IGF1R: variants seen among roughly 807,000 people sequenced by gnomAD.
IGF1R encodes the protein insulin like growth factor 1 receptor.
Under a neutral mutation model 144.6 loss-of-function variants are expected in IGF1R, and 44 were observed. The ratio of observed to expected loss-of-function variants is 0.30; its 90% CI spans 0.24 to 0.39. The LOEUF is 0.39. Ranked by LOEUF, IGF1R falls within the 10% of genes least tolerant of loss-of-function variation. IGF1R has a pLI of 1.00. For missense variants in IGF1R, 1,355 were observed against 1,833.7 expected, an observed-to-expected ratio of 0.74 and a Z score of 4.77; for synonymous variants, 795 against 722.8, an observed-to-expected ratio of 1.10 and a Z score of -1.60.
intron 3 of IGF1R, among the ~76,000 whole-genome samples, chr15:98,896,404 A>G (rs1428994984): frequency 1.3e-5 from 2 of 152,110 alleles, no homozygotes; most frequent in Non-Finnish European, 1.5e-5. Flanking sequence ...TTTCCTCCAG[A>G]ACCCCCCAAG....
At chr15:98,734,919 C>G (rs769400818) in intron 2 of IGF1R, among the ~76,000 whole-genome samples, 3 of 152,196 alleles carry the variant, frequency 2.0e-5, no homozygotes, top group South Asian at 2.1e-4. Flanking sequence ...TATGTAAACA[C>G]TGGCCCTAAA....
At chr15:98,866,244 C>T (rs371615983) in intron 2 of IGF1R, among the ~76,000 whole-genome samples, 1 of 152,180 alleles carries the variant, frequency 6.6e-6, no homozygotes, top group Non-Finnish European at 1.5e-5. Context: ...TCCCCCGCCG[C>T]CACCACACAG....
At chr15:98,865,497 G>A (rs1415399419) in intron 2 of IGF1R, among the ~76,000 whole-genome samples, 2 of 152,166 alleles carry the variant, frequency 1.3e-5, no homozygotes, top group Non-Finnish European at 2.9e-5. Context: ...CCCCGGCCAC[G>A]CCCACCGTCC....
intron 1 of IGF1R, among the ~76,000 whole-genome samples, chr15:98,669,492 A>G (rs188793516): frequency 1.1e-4 from 16 of 152,296 alleles, no homozygotes; most frequent in African/African-American, 3.9e-4. Context: ...CGTTGCCCTC[A>G]GGGTCATATG....
chr15:98,708,126 G>T lies in IGF1R; in HGVS notation c.640+19G>T, dbSNP rs1481962144. ...CAGAAAAGTAAGAATGATGCTGACT[G>T]CTGCTTTCTCTCTGCCTCTCTCTCT... On this transcript the variant is annotated intron_variant, in intron 2 of 20. Coordinates refer to ENST00000650285, the MANE Select transcript of IGF1R (RefSeq NM_000875.5). 1 of 1,604,442 alleles carries T rather than the reference G, an allele frequency of 6.2e-7. No homozygotes were observed. Among genetic ancestry groups the T allele is most frequent in the Non-Finnish European group, 8.5e-7 (1 of 1,173,212 alleles).
chr15:98,663,576 A>G (rs1216555152), intron 1 of IGF1R, among the ~76,000 whole-genome samples: 1 of 152,210 alleles, frequency 6.6e-6, no homozygotes, highest in African/African-American at 2.4e-5. Context: ...ATGAAGGTGA[A>G]ACTGTTTCAG....
Position 98,914,583 on chromosome 15 carries a change from GCAA to G in IGF1R, c.1828+1304_1828+1306del, listed in dbSNP as rs1359275028. On this transcript the variant is annotated intron_variant, in intron 8 of 20. Coordinates refer to ENST00000650285, the MANE Select transcript of IGF1R (RefSeq NM_000875.5). Reference sequence around the variant, plus strand: ...TGGGTTGGTGTAGCAGAGGTTCAGTGCAACAGAAGAAGTTTTTCATCTTAAAAT... The same window carrying G: ...TGGGTTGGTGTAGCAGAGGTTCAGTGCAGAAGAAGTTTTTCATCTTAAAAT... Among the ~76,000 whole-genome samples, 7 of 152,322 alleles carry G rather than the reference GCAA, an allele frequency of 4.6e-5. No homozygotes were observed. In the East Asian group the frequency reaches 1.2e-3, roughly 25 times the overall value.
intron 2 of IGF1R, among the ~76,000 whole-genome samples, chr15:98,744,562 A>G (rs956974381): frequency 6.6e-6 from 1 of 152,016 alleles, no homozygotes; most frequent in Non-Finnish European, 1.5e-5. Context: ...GTTTTCCCCA[A>G]CAGAGATAGA....
At chr15:98,659,567 T>C (rs2052556041) in intron 1 of IGF1R, among the ~76,000 whole-genome samples, 1 of 152,176 alleles carries the variant, frequency 6.6e-6, no homozygotes, top group Non-Finnish European at 1.5e-5. Context: ...GGCTACAGTT[T>C]TGGATTAAGG....
At chr15:98,696,410 A>G (rs79534217) in intron 1 of IGF1R, among the ~76,000 whole-genome samples, 99 of 152,334 alleles carry the variant, frequency 6.5e-4, no homozygotes, top group African/African-American at 2.3e-3. Context: ...GGTAAATTGA[A>G]CATTTACTAA....
At chr15:98,956,268 GAC>G (rs1427442824) in intron 20 of IGF1R, among the ~76,000 whole-genome samples, 1 of 152,234 alleles carries the variant, frequency 6.6e-6, no homozygotes, top group Non-Finnish European at 1.5e-5. Flanking sequence ...CGATGCGACC[GAC>G]ACACAGCACA....
intron 17 of IGF1R, among the ~76,000 whole-genome samples, chr15:98,938,462 T>C (rs1305511617): frequency 3.3e-5 from 5 of 152,232 alleles, no homozygotes; most frequent in South Asian, 2.1e-4. Flanking sequence ...AATGGATGTA[T>C]TATTTAAGGG....
intron 2 of IGF1R, among the ~76,000 whole-genome samples, chr15:98,804,447 C>T (rs577449610): frequency 1.5e-4 from 22 of 151,256 alleles, no homozygotes; most frequent in South Asian, 6.2e-4. Context: ...GAAATAAACA[C>T]ATGACTTTTG....
chr15:98,678,893 C>T (rs1180668574), intron 1 of IGF1R, among the ~76,000 whole-genome samples: 1 of 149,966 alleles, frequency 6.7e-6, no homozygotes, highest in East Asian at 2.0e-4. Context: ...TGGTCTGTTC[C>T]AGGGTTCTGG....
intron 5 of IGF1R, among the ~76,000 whole-genome samples, chr15:98,902,988 C>T (rs997294688): frequency 1.3e-5 from 2 of 152,116 alleles, no homozygotes; most frequent in East Asian, 1.9e-4. Flanking sequence ...ATATCGCACT[C>T]GGCGTGAGCT....
At chr15:98,800,171 G>T (rs562095346) in intron 2 of IGF1R, among the ~76,000 whole-genome samples, 10 of 152,070 alleles carry the variant, frequency 6.6e-5, no homozygotes, top group Non-Finnish European at 1.5e-4. Flanking sequence ...CAGCCTCCTT[G>T]GCCCTTCTAG....
At chr15:98,932,253 T>G (rs1450249791) in intron 15 of IGF1R, among the ~76,000 whole-genome samples, 1 of 152,218 alleles carries the variant, frequency 6.6e-6, no homozygotes, top group South Asian at 2.1e-4. Flanking sequence ...TTATTTGAAC[T>G]TAATTTATTC....
At position 98,962,314 on chromosome 15, in the gene IGF1R, T is replaced by G; in HGVS notation, c.*4872T>G. The G allele has an allele frequency of 4.3e-6, 1 of 233,460 alleles. No individual in the cohort carries two copies. Among genetic ancestry groups the G allele is most frequent in the African/African-American group, 2.2e-5 (1 of 45,492 alleles). 14.5% of individuals were successfully genotyped at this position (233,460 alleles called of 1,614,324 possible). On this transcript the variant is annotated 3_prime_UTR_variant, in exon 21 of 21. Coordinates refer to ENST00000650285, the MANE Select transcript of IGF1R (RefSeq NM_000875.5). ...CCAGTTATGCATTTCAAGTTTGGGG[T>G]TTGTTCTTTTCGTTAATGTTCCTCT...
Position 98,948,683 on chromosome 15 carries a change from A to G in IGF1R, c.3697A>G (p.Lys1233Glu), listed in dbSNP as rs2016650845. The change falls in exon 20 of 21, where the codon AAG (lysine) becomes GAG (glutamate). Residue 1233 changes from lysine (K) to glutamate (E), a missense_variant. By Grantham distance (56) the Lys-to-Glu change is moderately conservative. This residue lies in a region of IGF1R where 219 missense variants were observed against 188.8 expected (regional missense o/e 1.16). Coordinates refer to ENST00000650285, the MANE Select transcript of IGF1R (RefSeq NM_000875.5). ...CGTCATGGAGGGCGGCCTTCTGGAC[A>G]AGCCAGACAACTGTCCTGACATGCT... ...RFVMEGGLLD[K>E]PDNCPDMLFE... is the part of the protein sequence containing the mutation. 1.9e-6 allele frequency: 3 copies of G among 1,614,172 alleles called. No homozygotes were observed. The highest frequency in any genetic ancestry group is 2.5e-6 in the Non-Finnish European group (3 of 1,180,012).
Sources: gnomAD v4.1 joint callset for allele counts (sites outside exome capture counted in the v4.1 genomes callset) on GRCh38, gnomAD v4.1.1 for gene constraint, gnomAD v4.1.1 regional missense constraint, MANE v1.5 for transcripts, NCBI Gene and HGNC (gene_info 2026-07-23, HGNC 2026-07-21) for gene names.